Variants in YY1 observed in about 807,000 individuals in gnomAD.
The protein encoded by YY1 is transcriptional repressor protein YY1.
Under a neutral mutation model 35.6 loss-of-function variants are expected in YY1, and 2 were observed. The ratio of observed to expected loss-of-function variants is 0.06; its 90% CI spans 0.02 to 0.18. The LOEUF (loss-of-function observed/expected upper bound fraction) is 0.18. Among genes scored for constraint, YY1 ranks in the 10% least tolerant of loss-of-function variants. The probability of loss-of-function intolerance (pLI) is 1.00; values close to 1 mark genes in which losing one functional copy is unlikely to be tolerated. For missense variants in YY1, 322 were observed against 573.4 expected, an observed-to-expected ratio of 0.56 and a Z score of 4.48; for synonymous variants, 268 against 238.9, an observed-to-expected ratio of 1.12 and a Z score of -1.12.
Position 100,262,335 on chromosome 14 carries a change from G to A in YY1, c.711G>A (p.Val237=). 1 of 1,613,976 alleles carries A rather than the reference G, an allele frequency of 6.2e-7. No homozygotes were observed. Among genetic ancestry groups the A allele is most frequent in the Non-Finnish European group, 8.5e-7 (1 of 1,180,024 alleles). The change falls in exon 2 of 5, where the codon GTG becomes GTA. Residue 237 remains valine (V), a synonymous_variant. Coordinates refer to ENST00000262238, the MANE Select transcript of YY1 (RefSeq NM_003403.5). The stretch of plus-strand genomic sequence containing the variant: ...AAAAAGATATTGACCATGAGACAGT[G>A]GTTGAAGAACAGATCATTGGAGAGA... ...DEKKDIDHET[V]VEEQIIGENS... is the part of the protein sequence containing the mutation.
chr14:100,244,126 T>G (rs749470296), intron 1 of YY1, among the ~76,000 whole-genome samples: 6 of 151,080 alleles, frequency 4.0e-5, no homozygotes, highest in African/African-American at 1.5e-4. Flanking sequence ...AAAAAAAAAT[T>G]AGTGGGAGTC....
intron 2 of YY1, among the ~76,000 whole-genome samples, chr14:100,274,212 C>G (rs545389694): frequency 4.0e-4 from 61 of 152,256 alleles, no homozygotes; most frequent in African/African-American, 1.3e-3. Flanking sequence ...ACTAATTGGA[C>G]CCATTTCGTG....
At position 100,280,321 on chromosome 14, in the gene YY1, G is replaced by A. The variant is rs529061658; in HGVS notation, c.*2721G>A. On this transcript the variant is annotated 3_prime_UTR_variant, in exon 5 of 5. Transcript: ENST00000262238. ...AAGTAATACTGATAGACATATTTTC[G>A]TACATCTGAGCAGAAATAAATGCAT... is the stretch of plus-strand genomic sequence containing the variant. 9.2e-5 allele frequency: 14 copies of A among 152,222 alleles called. 1 individual carries two copies. In the South Asian group the frequency reaches 1.0e-3, roughly 11 times the overall value. The allele number at this position is 152,222 out of a possible 1,614,324, so 9.4% of individuals were successfully genotyped here. A position where few individuals can be genotyped will look rare whatever the true frequency, so the allele number is the denominator to read the frequency against.
chr14:100,245,920 T>G (rs1300945467), intron 1 of YY1, among the ~76,000 whole-genome samples: 2 of 152,166 alleles, frequency 1.3e-5, no homozygotes, highest in African/African-American at 4.8e-5. Context: ...AGTAACTGTT[T>G]TATAACTTAG....
At chr14:100,269,220 C>T (rs1595331189) in intron 2 of YY1, among the ~76,000 whole-genome samples, 1 of 152,176 alleles carries the variant, frequency 6.6e-6, no homozygotes, top group African/African-American at 2.4e-5. Flanking sequence ...TCATTTTTAG[C>T]TAGACCCATT....
chr14:100,247,014 C>G (rs1890843484), intron 1 of YY1, among the ~76,000 whole-genome samples: 2 of 152,200 alleles, frequency 1.3e-5, no homozygotes, highest in Non-Finnish European at 2.9e-5. Flanking sequence ...CTATCAACAA[C>G]TGACTCCCCC....
chr14:100,273,965 T>C (rs1231136614), intron 2 of YY1, among the ~76,000 whole-genome samples: 1 of 152,090 alleles, frequency 6.6e-6, no homozygotes, highest in Non-Finnish European at 1.5e-5. Context: ...ACCAGGACTC[T>C]TGGTACAAAT....
In YY1 at chr14:100,276,706, T is replaced by C. The variant is rs1891323998; in HGVS notation, c.1062+58T>C. On this transcript the variant is annotated intron_variant, in intron 4 of 4. Transcript: ENST00000262238. This position sits in a 1 kb window ranked among gnomAD's most constrained non-coding sequence, Gnocchi z 4.1. ...CTTGCCTGTCTGAACACTGCAAGTGTAGGTGGTGTGGTGATGAGGCAGGAG... is the reference window on the plus strand; with the variant it reads ...CTTGCCTGTCTGAACACTGCAAGTGCAGGTGGTGTGGTGATGAGGCAGGAG... 1 of 1,612,234 alleles carries C rather than the reference T, an allele frequency of 6.2e-7. No individual in the cohort carries two copies. Among genetic ancestry groups the C allele is most frequent in the Admixed American group, 1.7e-5 (1 of 60,008 alleles).
rs1891394466 is a variant in YY1, at chr14:100,280,210, A to G, written c.*2610A>G. Reference sequence around the variant, plus strand: ...CCCATTCTGCTTGTGGTTAGAATTTATAATTTTGCTAACGATGTAATTTAC... The same window carrying G: ...CCCATTCTGCTTGTGGTTAGAATTTGTAATTTTGCTAACGATGTAATTTAC... On this transcript the variant is annotated 3_prime_UTR_variant, in exon 5 of 5. Transcript: ENST00000262238. The G allele has an allele frequency of 6.6e-6, 1 of 152,244 alleles. No homozygotes were observed. The highest frequency in any genetic ancestry group is 2.1e-4 in the South Asian group (1 of 4,832). 9.4% of individuals were successfully genotyped at this position (152,244 alleles called of 1,614,324 possible). A position where few individuals can be genotyped will look rare whatever the true frequency, so the allele number is the denominator to read the frequency against.
At chr14:100,241,248 C>T (rs1225229205) in intron 1 of YY1, among the ~76,000 whole-genome samples, 1 of 152,178 alleles carries the variant, frequency 6.6e-6, no homozygotes, top group Non-Finnish European at 1.5e-5. Context: ...AGCGGTGGAA[C>T]CTCTTCCCTA....
chr14:100,243,243 T>C (rs892788020), intron 1 of YY1, among the ~76,000 whole-genome samples: 3 of 152,236 alleles, frequency 2.0e-5, no homozygotes, highest in Non-Finnish European at 4.4e-5. Flanking sequence ...TAAATCTGTA[T>C]GTATGTGTAC....
At chr14:100,247,149 GATATTT>G (rs1449375194) in intron 1 of YY1, among the ~76,000 whole-genome samples, 1 of 152,142 alleles carries the variant, frequency 6.6e-6, no homozygotes, top group Non-Finnish European at 1.5e-5. Flanking sequence ...CTCCTAGGTG[GATATTT>G]ACAAAAGGCA....
At chr14:100,266,709 A>G (rs146341280) in intron 2 of YY1, among the ~76,000 whole-genome samples, 79 of 152,292 alleles carry the variant, frequency 5.2e-4, no homozygotes, top group African/African-American at 1.8e-3. Context: ...AGTGGAAAGA[A>G]TGATAGACCT....
intron 1 of YY1, among the ~76,000 whole-genome samples, chr14:100,242,137 G>A (rs1447640193): frequency 6.6e-6 from 1 of 152,090 alleles, no homozygotes; most frequent in East Asian, 1.9e-4. Context: ...CATAGTGTGT[G>A]GAATTAGAGG....
At chr14:100,261,005 AG>A (rs1182586516) in intron 1 of YY1, among the ~76,000 whole-genome samples, 1 of 150,312 alleles carries the variant, frequency 6.7e-6, no homozygotes, top group African/African-American at 2.5e-5. Flanking sequence ...TTTATTGCCC[AG>A]GCTGGTCTAG....
chr14:100,246,322 G>A (rs1174211195), intron 1 of YY1, among the ~76,000 whole-genome samples: 1 of 152,256 alleles, frequency 6.6e-6, no homozygotes, highest in African/African-American at 2.4e-5. Context: ...AGTCAGCACA[G>A]CTTGGGTTGT....
intron 1 of YY1, among the ~76,000 whole-genome samples, chr14:100,251,240 G>A (rs1890920231): frequency 6.6e-6 from 1 of 152,186 alleles, no homozygotes; most frequent in Admixed American, 6.5e-5. Context: ...GTATTCACAG[G>A]AAGGCAGTGG....
rs1891347915 is a variant in YY1 at position 100,277,906 on chromosome 14, C to G, written c.*306C>G. The G allele has an allele frequency of 3.0e-6, 1 of 338,080 alleles. No homozygotes were observed. The highest frequency in any genetic ancestry group is 4.6e-5 in the Admixed American group (1 of 21,594). 20.9% of individuals were successfully genotyped at this position (338,080 alleles called of 1,614,324 possible). ...CATCAAAAGACAATTCTTTATACAA[C>G]AGTGCTAAAAATGGGACTTCTTTTC... On this transcript the variant is annotated 3_prime_UTR_variant, in exon 5 of 5. Transcript: ENST00000262238. The surrounding 1 kb of genome is among the most constrained non-coding windows in gnomAD (Gnocchi z 5.6).
Position 100,277,362 on chromosome 14 carries a change from T to C in YY1, c.1063-56T>C. ...TCTAGCAAAGCAGTGAGCTCCTGAC[T>C]CCCAGGGTCTGGTCAGAGTTGCTGA... is the stretch of plus-strand genomic sequence containing the variant. On this transcript the variant is annotated intron_variant, in intron 4 of 4. Coordinates refer to ENST00000262238, the MANE Select transcript of YY1 (RefSeq NM_003403.5). The surrounding 1 kb of genome is among the most constrained non-coding windows in gnomAD (Gnocchi z 5.6). 1 of 1,604,122 alleles carries C rather than the reference T, an allele frequency of 6.2e-7. No individual in the cohort carries two copies. Among genetic ancestry groups the C allele is most frequent in the Non-Finnish European group, 8.5e-7 (1 of 1,171,144 alleles).
Sources: allele counts gnomAD v4.1 joint callset (sites outside exome capture counted in the v4.1 genomes callset), GRCh38; gene constraint gnomAD v4.1.1; non-coding constraint Gnocchi (gnomAD v3.1); transcripts MANE v1.5; gene names NCBI Gene and HGNC (gene_info 2026-07-23, HGNC 2026-07-21).